Variants in CAMK1D observed in about 807,000 individuals in gnomAD.
CAMK1D encodes the protein calcium/calmodulin-dependent protein kinase type 1D.
A neutral mutation model predicts 47.7 loss-of-function variants in CAMK1D; 9 were observed. That is an observed-to-expected ratio of 0.19 (90% CI 0.11 to 0.33). The LOEUF (loss-of-function observed/expected upper bound fraction) is 0.33. CAMK1D is among the 10% of genes least tolerant of loss of function. The pLI, the probability that CAMK1D is intolerant of heterozygous loss-of-function variation, is 1.00. For missense variants in CAMK1D, 291 were observed against 488.7 expected (o/e 0.60, Z 3.81); for synonymous variants, 184 against 184.9 (o/e 0.99, Z 0.04).
intron 2 of CAMK1D, among the ~76,000 whole-genome samples, chr10:12,563,768 C>T (rs1728356851): frequency 6.6e-6 from 1 of 151,654 alleles, no homozygotes; most frequent in Non-Finnish European, 1.5e-5. Flanking sequence ...CTGGTCTGGC[C>T]TCTCCTGCCA....
chr10:12,677,815 C>T (rs1257797224), intron 3 of CAMK1D, among the ~76,000 whole-genome samples: 1 of 151,834 alleles, frequency 6.6e-6, no homozygotes, highest in Non-Finnish European at 1.5e-5. Flanking sequence ...TGGTTTTGTC[C>T]TGTAGGAGTT....
At chr10:12,568,620 TA>T (rs1489103594) in intron 2 of CAMK1D, among the ~76,000 whole-genome samples, 1 of 150,582 alleles carries the variant, frequency 6.6e-6, no homozygotes, top group Non-Finnish European at 1.5e-5. Flanking sequence ...TTCTTTTTTT[TA>T]TTCATCTTTT....
At chr10:12,799,362 G>A (rs1838329903) in intron 6 of CAMK1D, among the ~76,000 whole-genome samples, 1 of 152,142 alleles carries the variant, frequency 6.6e-6, no homozygotes, top group Non-Finnish European at 1.5e-5. Flanking sequence ...GCCATTGTCA[G>A]CCTATGCAGA....
chr10:12,493,619 G>A (rs1412294434), intron 1 of CAMK1D, among the ~76,000 whole-genome samples: 1 of 151,970 alleles, frequency 6.6e-6, no homozygotes, highest in Admixed American at 6.6e-5. Flanking sequence ...TCAGCCTCTC[G>A]AGTAGCTGGG....
intron 5 of CAMK1D, among the ~76,000 whole-genome samples, chr10:12,786,235 G>C (rs1378969886): frequency 1.3e-5 from 2 of 151,992 alleles, no homozygotes; most frequent in Non-Finnish European, 2.9e-5. Flanking sequence ...TTGTTTGCTG[G>C]GTGACATGTC....
chr10:12,544,702 T>C (rs915818162), intron 1 of CAMK1D, among the ~76,000 whole-genome samples: 5 of 152,080 alleles, frequency 3.3e-5, no homozygotes, highest in South Asian at 2.1e-4. Flanking sequence ...TGTTTTCTAG[T>C]ACTAGTGTTG....
chr10:12,754,344 G>A (rs1244973143), intron 3 of CAMK1D, among the ~76,000 whole-genome samples: 1 of 152,094 alleles, frequency 6.6e-6, no homozygotes, highest in African/African-American at 2.4e-5. Flanking sequence ...TTGGCTGTGT[G>A]TGTCAGTCTC....
chr10:12,781,314 A>G (rs538653170), intron 5 of CAMK1D, among the ~76,000 whole-genome samples: 2 of 152,374 alleles, frequency 1.3e-5, no homozygotes, highest in African/African-American at 4.8e-5. Context: ...CACAGCAGGT[A>G]GGCCCCCATG....
At chr10:12,506,237 G>T (rs1834866853) in intron 1 of CAMK1D, among the ~76,000 whole-genome samples, 1 of 152,084 alleles carries the variant, frequency 6.6e-6, no homozygotes, top group Non-Finnish European at 1.5e-5. Flanking sequence ...TGGCCAACAT[G>T]GCGAAACCCC....
intron 1 of CAMK1D, among the ~76,000 whole-genome samples, chr10:12,385,780 C>G (rs1307153917): frequency 8.3e-6 from 1 of 121,094 alleles, no homozygotes; most frequent in South Asian, 2.7e-4. Context: ...GAGATTCACT[C>G]TTGTTGCCCA....
intron 10 of CAMK1D, 108 bp from the exon 11 acceptor site, chr10:12,828,661 C>CCA: frequency 6.4e-6 from 4 of 629,412 alleles, no homozygotes; most frequent in Non-Finnish European, 4.9e-6. Context: ...AAAAATTGGG[C>CCA]CCCCCCGCCC....
intron 1 of CAMK1D, among the ~76,000 whole-genome samples, chr10:12,463,220 C>A (rs1452688225): frequency 6.6e-6 from 1 of 151,674 alleles, no homozygotes; most frequent in African/African-American, 2.4e-5. Context: ...TCACTGCAAC[C>A]TCTGCCTCCC....
At chr10:12,706,275 G>C (rs976107285) in intron 3 of CAMK1D, among the ~76,000 whole-genome samples, 1 of 152,216 alleles carries the variant, frequency 6.6e-6, no homozygotes, top group Non-Finnish European at 1.5e-5. Context: ...TTTATTAACT[G>C]TATTAATTGT....
At chr10:12,802,812 C>T (rs780872094) in intron 6 of CAMK1D, among the ~76,000 whole-genome samples, 50 of 152,298 alleles carry the variant, frequency 3.3e-4, no homozygotes, top group Admixed American at 7.8e-4. Flanking sequence ...GAGTCCCCGC[C>T]CCCGGCCTGC....
intron 1 of CAMK1D, 145 bp downstream of exon 1, chr10:12,350,055 C>T (rs960868121): frequency 1.5e-5 from 5 of 330,736 alleles, no homozygotes; most frequent in Middle Eastern, 2.1e-3. Context: ...GCTGCGGAGC[C>T]CCCCCGAGCG....
intron 6 of CAMK1D, among the ~76,000 whole-genome samples, chr10:12,812,577 T>C (rs781529440): frequency 4.6e-5 from 7 of 152,096 alleles, no homozygotes; most frequent in Admixed American, 6.5e-5. Context: ...GATCACGCCA[T>C]TGTGCTCCAG....
intron 2 of CAMK1D, among the ~76,000 whole-genome samples, chr10:12,597,038 A>T (rs1009150393): frequency 1.3e-5 from 2 of 152,066 alleles, no homozygotes; most frequent in Non-Finnish European, 2.9e-5. Context: ...TCCAACGTTT[A>T]TTGAGCCCCT....
chr10:12,387,413 ATATT>A, intron 1 of CAMK1D, among the ~76,000 whole-genome samples: 2 of 37,684 alleles, frequency 5.3e-5, no homozygotes, highest in Non-Finnish European at 1.3e-4. Flanking sequence ...TATATTATAT[ATATT>A]TTATATATTT....
intron 1 of CAMK1D, among the ~76,000 whole-genome samples, chr10:12,461,800 A>G (rs1005865537): frequency 5.3e-5 from 8 of 152,166 alleles, no homozygotes; most frequent in Non-Finnish European, 1.0e-4. Context: ...ATGGTAGCCA[A>G]GGTATCTCTT....
Sources: allele counts gnomAD v4.1 joint callset (sites outside exome capture counted in the v4.1 genomes callset), GRCh38; gene constraint gnomAD v4.1.1; transcripts MANE v1.5; gene names NCBI Gene and HGNC (gene_info 2026-07-23, HGNC 2026-07-21).